SCFD2: variants seen among roughly 807,000 people sequenced by gnomAD.
SCFD2 encodes sec1 family domain-containing protein 2.
Under a neutral mutation model 58.9 loss-of-function variants are expected in SCFD2, and 54 were observed. The observed-to-expected ratio is 0.92, with a 90% confidence interval of 0.74 to 1.15. The LOEUF is 1.15. Among genes scored for constraint, SCFD2 ranks in the 50% most tolerant of loss-of-function variants. The pLI, the probability that SCFD2 is intolerant of heterozygous loss-of-function variation, is 0.00. For synonymous variants in SCFD2, 321 were observed against 335.9 expected (o/e 0.96, Z 0.49); for missense variants, 805 against 836.6 (o/e 0.96, Z 0.47).
At chr4:52,881,261 G>A (rs1276281191) in intron 8 of SCFD2, among the ~76,000 whole-genome samples, 2 of 152,182 alleles carry the variant, frequency 1.3e-5, no homozygotes, top group Non-Finnish European at 2.9e-5. Context: ...TGCTGTGAAT[G>A]GATTCTATTC....
rs550369480 is a variant in SCFD2, at chr4:53,241,016, G to C, written c.1311+32810C>G. Reference sequence around the variant, plus strand: ...AGACAGATGGAAGACACAGATACTAGACTGAAGGGGAAGGAAGCTGGGAAT... The same window carrying C: ...AGACAGATGGAAGACACAGATACTACACTGAAGGGGAAGGAAGCTGGGAAT... On this transcript the variant is annotated intron_variant, in intron 4 of 8. Transcript: ENST00000401642. 2.6e-5 allele frequency among the ~76,000 whole-genome samples: 4 copies of C among 152,322 alleles called. No individual in the cohort carries two copies. The South Asian group carries it at 8.3e-4, about 32-fold the overall frequency.
intron 5 of SCFD2, among the ~76,000 whole-genome samples, chr4:53,018,237 G>A (rs192546991): frequency 1.5e-3 from 225 of 152,286 alleles, no homozygotes; most frequent in African/African-American, 5.1e-3. Context: ...TTAAGAAAAA[G>A]TTGATGAAAA....
At chr4:52,945,493 G>GAGT (rs1720399954) in intron 5 of SCFD2, among the ~76,000 whole-genome samples, 1 of 152,086 alleles carries the variant, frequency 6.6e-6, no homozygotes. Context: ...TCATGGCAAT[G>GAGT]AGTATGAGGA....
chr4:53,043,989 T>C (rs555672141), intron 5 of SCFD2, among the ~76,000 whole-genome samples: 3 of 152,228 alleles, frequency 2.0e-5, no homozygotes, highest in East Asian at 1.9e-4. Flanking sequence ...CTGTTCAAAC[T>C]CTTTCAAGAA....
chr4:53,224,744 C>G (rs1022838281), intron 4 of SCFD2, among the ~76,000 whole-genome samples: 1 of 151,682 alleles, frequency 6.6e-6, no homozygotes, highest in Non-Finnish European at 1.5e-5. Flanking sequence ...GGGTAATTTG[C>G]TATGCAGCAA....
intron 3 of SCFD2, among the ~76,000 whole-genome samples, chr4:53,305,847 T>C (rs768384759): frequency 1.3e-5 from 2 of 152,210 alleles, no homozygotes; most frequent in Non-Finnish European, 2.9e-5. Flanking sequence ...TGAGAACTTA[T>C]GTTCTAAATC....
intron 4 of SCFD2, among the ~76,000 whole-genome samples, chr4:53,259,179 C>A (rs998931867): frequency 1.6e-4 from 24 of 152,142 alleles, no homozygotes; most frequent in Admixed American, 1.5e-3. Flanking sequence ...TGTCTATTAA[C>A]CCTGCTGATT....
chr4:53,304,854 G>C (rs564819803), intron 3 of SCFD2, among the ~76,000 whole-genome samples: 2 of 152,188 alleles, frequency 1.3e-5, no homozygotes, highest in East Asian at 3.9e-4. Context: ...TCTCCATCCA[G>C]TTTTGTTCCC....
chr4:52,907,414 G>T (rs770414142), intron 7 of SCFD2, 43 bp downstream of exon 7: 3 of 1,597,876 alleles, frequency 1.9e-6, no homozygotes, highest in African/African-American at 2.7e-5. Flanking sequence ...CCAGCAAAGA[G>T]AACATTTCTA....
chr4:53,311,363 T>TA (rs918169812), intron 3 of SCFD2, among the ~76,000 whole-genome samples: 22 of 151,962 alleles, frequency 1.4e-4, no homozygotes, highest in African/African-American at 3.9e-4. Flanking sequence ...AATTCTATCT[T>TA]AAAAAAAATT....
At chr4:53,083,204 G>C (rs187052137) in intron 5 of SCFD2, among the ~76,000 whole-genome samples, 1 of 152,224 alleles carries the variant, frequency 6.6e-6, no homozygotes, top group East Asian at 1.9e-4. Flanking sequence ...AGCAGCTCTG[G>C]TGAGGTCACA....
intron 5 of SCFD2, among the ~76,000 whole-genome samples, chr4:52,954,657 G>A (rs187883054): frequency 1.4e-4 from 21 of 152,142 alleles, no homozygotes; most frequent in Non-Finnish European, 2.6e-4. Flanking sequence ...ATCATAAAGG[G>A]TGAGTCCAGA....
intron 4 of SCFD2, among the ~76,000 whole-genome samples, chr4:53,268,227 AG>A (rs1226894174): frequency 6.6e-6 from 1 of 152,042 alleles, no homozygotes; most frequent in Non-Finnish European, 1.5e-5. Flanking sequence ...ACAGTCTCGC[AG>A]GGGTTGTTGG....
At chr4:53,123,349 C>T (rs1725535330) in intron 5 of SCFD2, among the ~76,000 whole-genome samples, 1 of 152,076 alleles carries the variant, frequency 6.6e-6, no homozygotes, top group Admixed American at 6.5e-5. Context: ...TTTCTCACTC[C>T]CAGGCTAGGT....
chr4:53,259,091 T>G (rs1231394060), intron 4 of SCFD2, among the ~76,000 whole-genome samples: 2 of 152,194 alleles, frequency 1.3e-5, no homozygotes, highest in East Asian at 3.8e-4. Flanking sequence ...GCTGATTTGT[T>G]TGAATTCTGT....
chr4:52,974,961 G>A (rs1051319500), intron 5 of SCFD2, among the ~76,000 whole-genome samples: 6 of 151,880 alleles, frequency 4.0e-5, no homozygotes, highest in Non-Finnish European at 8.8e-5. Context: ...AAAACTGGCT[G>A]GCCATATGTA....
intron 3 of SCFD2, 127 bp downstream of exon 3, chr4:53,313,494 ATTCCTTCCCTATTCT>A (rs1732754030): frequency 1.2e-6 from 1 of 856,078 alleles, no homozygotes; most frequent in Non-Finnish European, 1.8e-6. Flanking sequence ...GCGTGCACAT[ATTCCTTCCCTATTCT>A]TTCAACAGTA....
intron 5 of SCFD2, chr4:52,950,306 C>G (rs1251471200): frequency 6.6e-6 from 1 of 152,178 alleles, no homozygotes; most frequent in Non-Finnish European, 1.5e-5. Context: ...AAATATGTCC[C>G]TTCGTTGGGA....
At chr4:53,079,070 A>T (rs959405305) in intron 5 of SCFD2, among the ~76,000 whole-genome samples, 2 of 152,102 alleles carry the variant, frequency 1.3e-5, no homozygotes, top group Non-Finnish European at 2.9e-5. Flanking sequence ...AGGTCCCATG[A>T]TCTTTCCTCT....
Sources: gnomAD v4.1 joint callset for allele counts (sites outside exome capture counted in the v4.1 genomes callset) on GRCh38, gnomAD v4.1.1 for gene constraint, MANE v1.5 for transcripts, NCBI Gene and HGNC (gene_info 2026-07-23, HGNC 2026-07-21) for gene names.